PHF20: variants seen among roughly 807,000 people sequenced by gnomAD.
PHF20 encodes glioma-expressed antigen 2.
In PHF20, 23 loss-of-function variants were observed where a neutral mutation model predicts 113.5. That is an observed-to-expected ratio of 0.20 (90% CI 0.15 to 0.29). The LOEUF is 0.29. PHF20 is among the 10% of genes least tolerant of loss of function. PHF20 has a pLI of 1.00. For missense variants in PHF20, 943 were observed against 1,219.6 expected, an observed-to-expected ratio of 0.77 and a Z score of 3.38; for synonymous variants, 434 against 457.3, an observed-to-expected ratio of 0.95 and a Z score of 0.65.
intron 4 of PHF20, among the ~76,000 whole-genome samples, chr20:35,851,904 G>A (rs1466327581): frequency 6.6e-6 from 1 of 151,080 alleles, no homozygotes; most frequent in African/African-American, 2.4e-5. Context: ...GTGACAGAGC[G>A]AGACTCCGTC....
chr20:35,946,089 T>C (rs1045702979), intron 17 of PHF20, among the ~76,000 whole-genome samples: 1 of 152,114 alleles, frequency 6.6e-6, no homozygotes, highest in Non-Finnish European at 1.5e-5. Context: ...GAGAATCGCC[T>C]GTACCCGGGA....
intron 10 of PHF20, among the ~76,000 whole-genome samples, chr20:35,902,923 A>G (rs763218247): frequency 6.6e-6 from 1 of 152,102 alleles, no homozygotes; most frequent in Non-Finnish European, 1.5e-5. Context: ...TGAGTTCTGA[A>G]CTCAGCCAAC....
At chr20:35,891,927 G>A (rs2054873145) in intron 9 of PHF20, among the ~76,000 whole-genome samples, 1 of 152,028 alleles carries the variant, frequency 6.6e-6, no homozygotes, top group Non-Finnish European at 1.5e-5. Flanking sequence ...CTGGAGTGCA[G>A]TGGGCAATCT....
chr20:35,797,239 G>A (rs368201642), intron 1 of PHF20, among the ~76,000 whole-genome samples: 11 of 151,954 alleles, frequency 7.2e-5, no homozygotes, highest in Admixed American at 3.9e-4. Context: ...TGGGCCGGGC[G>A]TGGTGGCTCA....
chr20:35,898,094 C>T (rs1872832695), intron 9 of PHF20, among the ~76,000 whole-genome samples: 1 of 151,830 alleles, frequency 6.6e-6, no homozygotes, highest in Non-Finnish European at 1.5e-5. Context: ...CAGGCTGGTC[C>T]GAACTCCTGA....
At chr20:35,850,313 T>TTTTTTTTG (rs2042700520) in intron 4 of PHF20, among the ~76,000 whole-genome samples, 1 of 121,214 alleles carries the variant, frequency 8.2e-6, no homozygotes, top group Non-Finnish European at 1.7e-5. Context: ...TTTTTTTTTT[T>TTTTTTTTG]TTTTTTTTTT....
intron 15 of PHF20, among the ~76,000 whole-genome samples, chr20:35,932,733 A>G (rs929977423): frequency 6.6e-6 from 1 of 152,110 alleles, no homozygotes; most frequent in African/African-American, 2.4e-5. Flanking sequence ...ACCCGGCCCC[A>G]TCTTAACCAT....
chr20:35,776,348 C>A (rs550148784), intron 1 of PHF20, among the ~76,000 whole-genome samples: 2 of 152,172 alleles, frequency 1.3e-5, no homozygotes, highest in South Asian at 4.1e-4. Flanking sequence ...AAGCTATGTT[C>A]CCCGACCTCG....
chr20:35,943,536 AAT>A (rs754483441), intron 17 of PHF20, among the ~76,000 whole-genome samples: 39 of 148,070 alleles, frequency 2.6e-4, no homozygotes, highest in South Asian at 6.4e-4. Flanking sequence ...TATTATATGA[AAT>A]ATATATATAT....
At chr20:35,874,967 G>A (rs1048383646) in intron 9 of PHF20, among the ~76,000 whole-genome samples, 3 of 152,066 alleles carry the variant, frequency 2.0e-5, no homozygotes. Flanking sequence ...TGGCATGATG[G>A]TTCATGCCTA....
intron 2 of PHF20, among the ~76,000 whole-genome samples, chr20:35,822,328 G>A (rs1312930402): frequency 1.3e-5 from 2 of 151,986 alleles, no homozygotes; most frequent in Non-Finnish European, 2.9e-5. Context: ...TGAGGTAGGA[G>A]GATCACTTGA....
chr20:35,932,461 C>T (rs1396862515), intron 15 of PHF20, among the ~76,000 whole-genome samples: 6 of 134,748 alleles, frequency 4.5e-5, no homozygotes, highest in East Asian at 2.2e-4. Flanking sequence ...GACAGAGTCT[C>T]GCTCTGTCGC....
chr20:35,857,957 A>G (rs2042869185), intron 4 of PHF20, among the ~76,000 whole-genome samples: 1 of 152,240 alleles, frequency 6.6e-6, no homozygotes, highest in East Asian at 1.9e-4. Flanking sequence ...AAATTCACCA[A>G]GGAATAAATA....
intron 1 of PHF20, among the ~76,000 whole-genome samples, chr20:35,798,297 C>T (rs1420523098): frequency 1.3e-5 from 2 of 152,060 alleles, no homozygotes; most frequent in Non-Finnish European, 2.9e-5. Flanking sequence ...CCTGTAGTCC[C>T]AGGTGCTTGG....
chr20:35,777,811 G>A (rs556348901), intron 1 of PHF20, among the ~76,000 whole-genome samples: 1 of 152,228 alleles, frequency 6.6e-6, no homozygotes, highest in East Asian at 1.9e-4. Context: ...TTGCTTCCAA[G>A]TGCTCTTCTA....
chr20:35,874,297 G>A (rs1022873563), intron 9 of PHF20, among the ~76,000 whole-genome samples: 1 of 152,058 alleles, frequency 6.6e-6, no homozygotes, highest in African/African-American at 2.4e-5. Context: ...TCATAATGTA[G>A]TATTATAAGT....
rs1363798299 is a variant in PHF20, at chr20:35,842,726, T to G, written c.237T>G (p.His79Gln). 6.2e-7 allele frequency: 1 copy of G among 1,613,934 alleles called. No homozygotes were observed. The highest frequency in any genetic ancestry group is 1.3e-5 in the African/African-American group (1 of 74,924). ...EKIQLRKEGL[H>Q]EEDGSSEFQI... ...TACAGCTGAGGAAAGAGGGCTTGCA[T>G]GAAGAGGATGGATCTTCTGTGAGTA... Residue 79 changes from histidine to glutamine, a missense_variant, in exon 3 of 18, where the codon CAT becomes CAG. His to Gln is a conservative substitution (Grantham distance 24). This residue lies in a region of PHF20 where 592 missense variants were observed against 787.2 expected (regional missense o/e 0.75). Coordinates refer to ENST00000374012, the MANE Select transcript of PHF20 (RefSeq NM_016436.5).
chr20:35,875,168 C>G (rs531452025), intron 9 of PHF20, among the ~76,000 whole-genome samples: 4 of 151,860 alleles, frequency 2.6e-5, no homozygotes, highest in Admixed American at 6.6e-5. Flanking sequence ...GATGCCTAGG[C>G]GGGCAGATCA....
chr20:35,885,467 C>CTTTT lies in PHF20; in HGVS notation c.1282+13668_1282+13671dup, dbSNP rs577878410. On this transcript the variant is annotated intron_variant, in intron 9 of 17. Coordinates refer to ENST00000374012, the MANE Select transcript of PHF20 (RefSeq NM_016436.5). ...CTGGAGTGGGGGACAGGGGAATAAG[C>CTTTT]TTTTTTTTTTTTTTTTTTTTTTTTT... Among the ~76,000 whole-genome samples the CTTTT allele has an allele frequency of 2.2e-3, 80 of 35,708 alleles. 2 individuals are homozygous for CTTTT. The highest frequency in any genetic ancestry group is 7.9e-3 in the African/African-American group (73 of 9,212). 23.4% of individuals were successfully genotyped at this position (35,708 alleles called of 152,430 possible). A position where few individuals can be genotyped will look rare whatever the true frequency, so the allele number is the denominator to read the frequency against.
Sources: gnomAD v4.1 joint callset for allele counts (sites outside exome capture counted in the v4.1 genomes callset) on GRCh38, gnomAD v4.1.1 for gene constraint, gnomAD v4.1.1 regional missense constraint, MANE v1.5 for transcripts, NCBI Gene and HGNC (gene_info 2026-07-23, HGNC 2026-07-21) for gene names.